SLC13A1: variants seen among roughly 807,000 people sequenced by gnomAD.
SLC13A1 encodes the protein Na(+)/sulfate cotransporter.
In SLC13A1, 65 loss-of-function variants were observed where a neutral mutation model predicts 70.0. The observed-to-expected ratio is 0.93, with a 90% CI of 0.76 to 1.14. The LOEUF (loss-of-function observed/expected upper bound fraction) is 1.14, where lower values mean the gene tolerates loss of function less well. Ranked by LOEUF, SLC13A1 falls within the 50% of genes most tolerant of loss-of-function variation. The pLI, the probability that SLC13A1 is intolerant of heterozygous loss-of-function variation, is 0.00. For synonymous variants in SLC13A1, 275 were observed against 250.5 expected (o/e 1.10, Z -0.92); for missense variants, 726 against 717.8 (o/e 1.01, Z -0.13).
At chr7:123,190,528 C>G in intron 1 of SLC13A1, 1 of 456,482 alleles carries the variant, frequency 2.2e-6, no homozygotes, top group South Asian at 1.5e-5. Context: ...TGGACGGAGG[C>G]CCTCCTGGTC....
chr7:123,127,828 C>T (rs574973689), intron 10 of SLC13A1, among the ~76,000 whole-genome samples: 27 of 148,618 alleles, frequency 1.8e-4, no homozygotes, highest in African/African-American at 6.7e-4. Flanking sequence ...GGTTTCTACC[C>T]CAAAATACAA....
chr7:123,134,138 C>T (rs1793866966), intron 8 of SLC13A1, among the ~76,000 whole-genome samples: 2 of 152,114 alleles, frequency 1.3e-5, no homozygotes, highest in Admixed American at 1.3e-4. Flanking sequence ...AGCAATCCTC[C>T]CACCTTGGCC....
rs754615689 is a variant in SLC13A1 at position 123,181,121 on chromosome 7, A to C, written c.100-20T>G. 2 of 1,607,308 alleles carry C rather than the reference A, an allele frequency of 1.2e-6. No homozygotes were observed. The highest frequency in any genetic ancestry group is 3.4e-5 in the Admixed American group (2 of 59,180). On this transcript the variant is annotated intron_variant, in intron 1 of 14. Coordinates refer to ENST00000194130, the MANE Select transcript of SLC13A1 (RefSeq NM_022444.4). ...TGCTTCCTGGTAAGAACAAATGCAA[A>C]GCAAAAGGTGATATTATGAGGCTGG...
At chr7:123,138,432 C>T (rs1484258201) in intron 7 of SLC13A1, among the ~76,000 whole-genome samples, 1 of 152,014 alleles carries the variant, frequency 6.6e-6, no homozygotes. Flanking sequence ...GGGTATATAC[C>T]CTGCAGTGGG....
At chr7:123,132,016 A>G (rs1793781645) in intron 8 of SLC13A1, among the ~76,000 whole-genome samples, 1 of 152,170 alleles carries the variant, frequency 6.6e-6, no homozygotes, top group East Asian at 1.9e-4. Context: ...TGGGATTGCC[A>G]TCTCCTGTAT....
chr7:123,134,499 A>G lies in SLC13A1; in HGVS notation c.843T>C (p.Phe281=). The stretch of plus-strand genomic sequence containing the variant: ...GGAAGGAAAACGTAAACCATGATCC[A>G]AAGTTGAGGCAACGACAGTCAGGAT... ...TRYPDCRCLN[F]GSWFTFSFPA... The change falls in exon 8 of 15, where the codon TTT becomes TTC. Residue 281 remains phenylalanine (F), a synonymous_variant. Coordinates refer to ENST00000194130, the MANE Select transcript of SLC13A1 (RefSeq NM_022444.4). 6.2e-7 allele frequency: 1 copy of G among 1,613,484 alleles called. No homozygotes were observed. Among genetic ancestry groups the G allele is most frequent in the Non-Finnish European group, 8.5e-7 (1 of 1,179,584 alleles).
chr7:123,160,657 A>C (rs138568033), intron 6 of SLC13A1, among the ~76,000 whole-genome samples: 245 of 152,332 alleles, frequency 1.6e-3, no homozygotes, highest in African/African-American at 5.6e-3. Context: ...TTTTAAGCAC[A>C]ATGAAAAATA....
intron 1 of SLC13A1, among the ~76,000 whole-genome samples, chr7:123,184,224 A>G (rs1795728144): frequency 6.6e-6 from 1 of 152,116 alleles, no homozygotes; most frequent in Non-Finnish European, 1.5e-5. Flanking sequence ...TAGTGGAATG[A>G]CTAAGTCTAG....
At chr7:123,185,364 T>A (rs1286531212) in intron 1 of SLC13A1, among the ~76,000 whole-genome samples, 1 of 152,146 alleles carries the variant, frequency 6.6e-6, no homozygotes, top group Non-Finnish European at 1.5e-5. Context: ...TCTAGGTCAA[T>A]GTCATGGAGC....
At chr7:123,148,115 C>A (rs957651846) in intron 6 of SLC13A1, among the ~76,000 whole-genome samples, 18 of 152,156 alleles carry the variant, frequency 1.2e-4, no homozygotes, top group African/African-American at 4.3e-4. Flanking sequence ...TAATCCTCCA[C>A]TCACACAAAA....
At chr7:123,128,518 C>A (rs1157864205) in intron 10 of SLC13A1, among the ~76,000 whole-genome samples, 2 of 152,084 alleles carry the variant, frequency 1.3e-5, no homozygotes, top group Non-Finnish European at 2.9e-5. Context: ...TGCTCCCAAC[C>A]ACCACAGAAC....
At chr7:123,120,435 C>T (rs946164427) in intron 12 of SLC13A1, among the ~76,000 whole-genome samples, 1 of 152,022 alleles carries the variant, frequency 6.6e-6, no homozygotes, top group African/African-American at 2.4e-5. Flanking sequence ...CTTTAGAAGC[C>T]TGGTCATATT....
At chr7:123,117,680 T>A in intron 13 of SLC13A1, 72 bp from the exon 14 acceptor site, 2 of 902,070 alleles carry the variant, frequency 2.2e-6, no homozygotes, top group Non-Finnish European at 3.3e-6. Flanking sequence ...AAAAAAAAAG[T>A]ATTACAATAA....
intron 3 of SLC13A1, among the ~76,000 whole-genome samples, chr7:123,170,617 G>GTTTT (rs897187734): frequency 5.5e-4 from 70 of 127,518 alleles, no homozygotes; most frequent in Middle Eastern, 3.9e-3. Context: ...CGTCGTTTTG[G>GTTTT]TTTTTTTTGT....
At position 123,115,467 on chromosome 7, in the gene SLC13A1, C is replaced by G; in HGVS notation, c.*51G>C. 6.3e-7 allele frequency: 1 copy of G among 1,576,078 alleles called. No homozygotes were observed. Among genetic ancestry groups the G allele is most frequent in the African/African-American group, 1.3e-5 (1 of 74,246 alleles). The stretch of plus-strand genomic sequence containing the variant: ...TTTAGAGCCACATTTTACAGTCAAT[C>G]ATTAATGTCTTCCAGAAATTACCGC... On this transcript the variant is annotated 3_prime_UTR_variant, in exon 15 of 15. Transcript: ENST00000194130.
At chr7:123,155,333 T>A (rs1177383252) in intron 6 of SLC13A1, among the ~76,000 whole-genome samples, 1 of 151,956 alleles carries the variant, frequency 6.6e-6, no homozygotes, top group Non-Finnish European at 1.5e-5. Context: ...TCTCTATATT[T>A]TACATTTATA....
chr7:123,193,485 G>A (rs893044768), intron 1 of SLC13A1, among the ~76,000 whole-genome samples: 1 of 152,152 alleles, frequency 6.6e-6, no homozygotes, highest in Non-Finnish European at 1.5e-5. Context: ...ATGGGTAGAG[G>A]TTACTACGTG....
At chr7:123,161,315 AAAATGTT>A (rs1423702659) in intron 6 of SLC13A1, among the ~76,000 whole-genome samples, 1 of 151,368 alleles carries the variant, frequency 6.6e-6, no homozygotes, top group Admixed American at 6.6e-5. Context: ...AAGCACAAGA[AAAATGTT>A]AGAAATAAAG....
At position 123,162,699 on chromosome 7, in the gene SLC13A1, G is replaced by A. The variant is rs1585356599; in HGVS notation, c.660+5675C>T. Among the ~76,000 whole-genome samples the A allele has an allele frequency of 3.3e-5, 5 of 151,980 alleles. No homozygotes were observed. In the South Asian group the frequency reaches 1.0e-3, roughly 32 times the overall value. On this transcript the variant is annotated intron_variant, in intron 6 of 14. Transcript: ENST00000194130. ...AGAATTAATATCTCCTTATTTGGCA[G>A]AACTAATACCCCTAGTTTCTAATAT...
Sources: gnomAD v4.1 joint callset for allele counts (sites outside exome capture counted in the v4.1 genomes callset) on GRCh38, gnomAD v4.1.1 for gene constraint, MANE v1.5 for transcripts, NCBI Gene and HGNC (gene_info 2026-07-23, HGNC 2026-07-21) for gene names.